The following ZCWPW1 variants were observed in gnomAD, a reference collection of about 807,000 sequenced individuals.
ZCWPW1 encodes zinc finger CW-type and PWWP domain containing 1.
ZCWPW1 carries 56 observed loss-of-function variants against 81.3 expected under a neutral mutation model. The observed-to-expected ratio is 0.69, with a 90% CI of 0.56 to 0.86. The LOEUF (loss-of-function observed/expected upper bound fraction) is 0.86. ZCWPW1 is among the 40% of genes least tolerant of loss of function. The probability of loss-of-function intolerance (pLI) is 0.00; values close to 1 mark genes in which losing one functional copy is unlikely to be tolerated. For synonymous variants in ZCWPW1, 250 were observed against 273.7 expected (o/e 0.91, Z 0.86); for missense variants, 650 against 769.8 (o/e 0.84, Z 1.84).
At position 100,402,513 on chromosome 7, in the gene ZCWPW1, T is replaced by G; in HGVS notation, c.1474+3A>C. On this transcript the variant is annotated splice_donor_region_variant and intron_variant, in intron 16 of 17. Coordinates refer to ENST00000684423, the MANE Select transcript of ZCWPW1 (RefSeq NM_001386010.1). Reference sequence around the variant, plus strand: ...GTGCTCCATTTCCAGCTGGCCTGCTTACCTCTTGGCTTGGTTTTTTGGGTC... The same window carrying G: ...GTGCTCCATTTCCAGCTGGCCTGCTGACCTCTTGGCTTGGTTTTTTGGGTC... 6.2e-7 allele frequency: 1 copy of G among 1,614,122 alleles called. No homozygotes were observed. The highest frequency in any genetic ancestry group is 8.5e-7 in the Non-Finnish European group (1 of 1,179,982).
chr7:100,408,870 G>A (rs68116612), intron 9 of ZCWPW1, among the ~76,000 whole-genome samples: 30,233 of 149,892 alleles, frequency 0.2, 3,193 homozygotes, highest in African/African-American at 0.26. Context: ...CAGCTGAAAT[G>A]CAGCTGGAGG....
intron 5 of ZCWPW1, 51 bp downstream of exon 5, chr7:100,419,060 G>GT: frequency 6.8e-7 from 1 of 1,474,446 alleles, no homozygotes; most frequent in Middle Eastern, 1.7e-4. Flanking sequence ...TCCCTCTCAG[G>GT]TAACAGTCAC....
intron 2 of ZCWPW1, among the ~76,000 whole-genome samples, chr7:100,421,427 A>C (rs558103401): frequency 1.8e-4 from 28 of 152,210 alleles, no homozygotes; most frequent in Non-Finnish European, 3.4e-4. Context: ...GTCTCTGTGC[A>C]TAGAGAAGCC....
intron 5 of ZCWPW1, 72 bp from the exon 6 acceptor site, chr7:100,417,255 T>G (rs1795448829): frequency 6.8e-6 from 8 of 1,182,598 alleles, no homozygotes; most frequent in Non-Finnish European, 9.8e-6. Flanking sequence ...CCTAACATTT[T>G]CTCTAAAGTG....
Position 100,401,090 on chromosome 7 carries a change from T to G in ZCWPW1, c.1874A>C (p.Glu625Ala). Reference protein sequence around the residue: ...LEQLMEDVGRELGQSGELQHS... With the variant: ...LEQLMEDVGRALGQSGELQHS... The stretch of plus-strand genomic sequence containing the variant: ...CTGCAGCTCCCCGCTCTGCCCCAGC[T>G]CTCTCCCAACATCTTCCATGAGTTG... The change falls in exon 18 of 18, where the codon GAG (glutamate) becomes GCG (alanine). Residue 625 changes from glutamate (E) to alanine (A), a missense_variant. Glu to Ala is a moderately radical substitution (Grantham distance 107). Transcript: ENST00000684423. The G allele has an allele frequency of 6.2e-7, 1 of 1,614,160 alleles. No individual in the cohort carries two copies. The highest frequency in any genetic ancestry group is 8.5e-7 in the Non-Finnish European group (1 of 1,180,000).
At position 100,402,249 on chromosome 7, in the gene ZCWPW1, C is replaced by G. The variant is rs1290910387; in HGVS notation, c.1475-208G>C. The G allele has an allele frequency of 3.8e-6, 3 of 795,636 alleles. No individual in the cohort carries two copies. In the East Asian group the frequency reaches 7.3e-5, roughly 19 times the overall value. 49.3% of individuals were successfully genotyped at this position (795,636 alleles called of 1,614,324 possible). ...TATCCCCTGGATCTTCTTCTCTTTA[C>G]AGTTCTCCTCAGAGTCTACCTTCTC... On this transcript the variant is annotated intron_variant, in intron 16 of 17. Transcript: ENST00000684423.
rs144128361 is a variant in ZCWPW1 at position 100,406,004 on chromosome 7, C to T, written c.1173+690G>A. On this transcript the variant is annotated intron_variant, in intron 12 of 17. Transcript: ENST00000684423. ...AAATTTGAAAACAGGATTATAGGAG[C>T]CCAGGTGATTTCACTTTGAAGCTTC... Among the ~76,000 whole-genome samples the T allele has an allele frequency of 3.5e-3, 537 of 152,238 alleles. 4 individuals are homozygous for T. Among genetic ancestry groups the T allele is most frequent in the African/African-American group, 0.012 (509 of 41,520 alleles).
rs1792412277 is a variant in ZCWPW1, at chr7:100,403,760, G to A, written c.1347C>T (p.Ser449=). 2 of 1,613,976 alleles carry A rather than the reference G, an allele frequency of 1.2e-6. No individual in the cohort carries two copies. Among genetic ancestry groups the A allele is most frequent in the Non-Finnish European group, 8.5e-7 (1 of 1,179,980 alleles). The change falls in exon 15 of 18, where the codon AGC becomes AGT. Residue 449 remains serine, a synonymous_variant. Coordinates refer to ENST00000684423, the MANE Select transcript of ZCWPW1 (RefSeq NM_001386010.1). ...RKDLQLSGLN[S]PGSCLEKKEK... is the part of the protein sequence containing the mutation. ...CCTTTTTCTCTAAGCAGGATCCTGG[G>A]CTGTTCAAACCAGAGAGCTGTAAGT... is the stretch of plus-strand genomic sequence containing the variant.
chr7:100,425,930 A>G (rs1797237959), intron 1 of ZCWPW1, among the ~76,000 whole-genome samples: 1 of 152,322 alleles, frequency 6.6e-6, no homozygotes, highest in Middle Eastern at 3.4e-3. Flanking sequence ...GTCCTCCATA[A>G]ATTTTAAGGG....
intron 4 of ZCWPW1, among the ~76,000 whole-genome samples, 174 bp downstream of exon 4, chr7:100,419,456 A>G (rs1440089963): frequency 1.3e-5 from 2 of 152,058 alleles, no homozygotes; most frequent in African/African-American, 4.8e-5. Flanking sequence ...CAATTCTTTC[A>G]TCAAAACATT....
In ZCWPW1 at chr7:100,419,798, C is replaced by T. The variant is rs1293603688; in HGVS notation, c.114G>A (p.Lys38=). 17 of 1,613,606 alleles carry T rather than the reference C, an allele frequency of 1.1e-5. No homozygotes were observed. Among genetic ancestry groups the T allele is most frequent in the Admixed American group, 1.0e-4 (6 of 59,892 alleles). ...SLLPCSPNSP[K]EETPGISSPE... is the part of the protein sequence containing the mutation. ...GGGAACTGATCCCCGGGGTCTCCTCCTTAGGGGAGTTAGGGCTACAAGGTA... is the reference window on the plus strand; with the variant it reads ...GGGAACTGATCCCCGGGGTCTCCTCTTTAGGGGAGTTAGGGCTACAAGGTA... Residue 38 remains lysine, a synonymous_variant, in exon 4 of 18, where the codon AAG becomes AAA. Coordinates refer to ENST00000684423, the MANE Select transcript of ZCWPW1 (RefSeq NM_001386010.1).
chr7:100,401,293 T>C lies in ZCWPW1; in HGVS notation c.1671A>G (p.Ala557=). 10 of 1,598,162 alleles carry C rather than the reference T, an allele frequency of 6.3e-6. No homozygotes were observed. The highest frequency in any genetic ancestry group is 8.5e-6 in the Non-Finnish European group (10 of 1,171,588). ...KFKAPQSKAL[A]ASFSEGKEVR... ...CTTCTTTTCCCTCTGAAAAGCTGGC[T>C]GCCAAGGCCTTGCTCTGGGGAGCTT... The change falls in exon 18 of 18, where the codon GCA becomes GCG. Residue 557 remains alanine, a synonymous_variant. Coordinates refer to ENST00000684423, the MANE Select transcript of ZCWPW1 (RefSeq NM_001386010.1).
chr7:100,401,157 C>T lies in ZCWPW1; in HGVS notation c.1807G>A (p.Val603Ile). The T allele has an allele frequency of 6.2e-7, 1 of 1,614,266 alleles. No individual in the cohort carries two copies. The highest frequency in any genetic ancestry group is 8.5e-7 in the Non-Finnish European group (1 of 1,180,032). Residue 603 changes from valine to isoleucine, a missense_variant, in exon 18 of 18, where the codon GTC becomes ATC. Val to Ile is a conservative substitution (Grantham distance 29). Transcript: ENST00000684423. ...REPLTQEAGS[V>I]PLEDEASSDL... ...CTGGAGGCTTCGTCCTCAAGGGGGA[C>T]ACTTCCAGCCTCCTGGGTCAGGGGT...
chr7:100,420,538 G>C (rs757723304), intron 3 of ZCWPW1, 84 bp downstream of exon 3: 2 of 1,542,976 alleles, frequency 1.3e-6, no homozygotes, highest in African/African-American at 2.7e-5. Context: ...ATAGGGACCC[G>C]TACCATCCTT....
rs1211350864 is a variant in ZCWPW1 at position 100,415,090 on chromosome 7, T to TC, written c.754+884_754+885insG. Among the ~76,000 whole-genome samples, 3 of 143,086 alleles carry TC rather than the reference T, an allele frequency of 2.1e-5. 1 individual carries two copies. Among genetic ancestry groups the TC allele is most frequent in the Non-Finnish European group, 3.1e-5 (2 of 64,752 alleles). The allele number at this position is 143,086 out of a possible 152,430, so 93.9% of individuals were successfully genotyped here. A position where few individuals can be genotyped will look rare whatever the true frequency, so the allele number is the denominator to read the frequency against. Reference sequence around the variant, plus strand: ...CTCCGTACCCATTTTTTTTTTTTTTTTTTTTTTTTTTTAGACAGAGTCTCC... The same window carrying TC: ...CTCCGTACCCATTTTTTTTTTTTTTTCTTTTTTTTTTTTAGACAGAGTCTCC... On this transcript the variant is annotated intron_variant, in intron 8 of 17. Transcript: ENST00000684423.
chr7:100,402,455 C>CT, intron 16 of ZCWPW1, 61 bp downstream of exon 16: 1 of 1,580,850 alleles, frequency 6.3e-7, no homozygotes, highest in South Asian at 1.1e-5. Flanking sequence ...TGCAGACTCC[C>CT]TCTCTACCAC....
intron 6 of ZCWPW1, 95 bp from the exon 7 acceptor site, chr7:100,416,551 T>A: frequency 7.4e-7 from 1 of 1,360,358 alleles, no homozygotes; most frequent in South Asian, 1.3e-5. Context: ...GACAGATGAA[T>A]CCTAAGCTCT....
intron 11 of ZCWPW1, 100 bp from the exon 12 acceptor site, chr7:100,406,898 G>A (rs2130484983): frequency 1.9e-6 from 2 of 1,079,794 alleles, no homozygotes; most frequent in Non-Finnish European, 2.7e-6. Flanking sequence ...CCCAGAAGGA[G>A]GTGCTGGGCC....
chr7:100,419,790 G>T lies in ZCWPW1; in HGVS notation c.122C>A (p.Thr41Asn). 6.2e-7 allele frequency: 1 copy of T among 1,613,976 alleles called. No individual in the cohort carries two copies. The highest frequency in any genetic ancestry group is 1.1e-5 in the South Asian group (1 of 91,048). The stretch of plus-strand genomic sequence containing the variant: ...TGTCTCTGGGGAACTGATCCCCGGG[G>T]TCTCCTCCTTAGGGGAGTTAGGGCT... ...PCSPNSPKEE[T>N]PGISSPETEA... The change falls in exon 4 of 18, where the codon ACC (threonine) becomes AAC (asparagine). Residue 41 changes from threonine to asparagine, a missense_variant. Physicochemically the swap from Thr to Asn is moderately conservative, Grantham distance 65 (BLOSUM62 0). Coordinates refer to ENST00000684423, the MANE Select transcript of ZCWPW1 (RefSeq NM_001386010.1).
Sources: gnomAD v4.1 joint callset for allele counts (sites outside exome capture counted in the v4.1 genomes callset) on GRCh38, gnomAD v4.1.1 for gene constraint, MANE v1.5 for transcripts, NCBI Gene and HGNC (gene_info 2026-07-23, HGNC 2026-07-21) for gene names.